The following RBFOX1 variants were observed in gnomAD, a reference collection of about 807,000 sequenced individuals.
RBFOX1 encodes RNA binding fox-1 homolog 1, also known as RNA binding protein fox-1 homolog 1.
In RBFOX1, 8 loss-of-function variants were observed where a neutral mutation model predicts 57.7. That is an observed-to-expected ratio of 0.14 (90% CI 0.08 to 0.25). RBFOX1 has a LOEUF of 0.25. RBFOX1 is among the 10% of genes least tolerant of loss of function. The pLI is 1.00. For missense variants in RBFOX1, 611 were observed against 548.5 expected, an observed-to-expected ratio of 1.11 and a Z score of -1.14; for synonymous variants, 326 against 222.4, an observed-to-expected ratio of 1.47 and a Z score of -4.15.
At chr16:6,648,967 C>T (rs1390983390) in intron 2 of RBFOX1, among the ~76,000 whole-genome samples, 1 of 152,096 alleles carries the variant, frequency 6.6e-6, no homozygotes, top group Non-Finnish European at 1.5e-5. Context: ...GTGGTTAGAA[C>T]ACATAACATC....
intron 3 of RBFOX1, among the ~76,000 whole-genome samples, chr16:5,611,809 C>G (rs1026680494): frequency 8.3e-6 from 1 of 120,428 alleles, no homozygotes; most frequent in Non-Finnish European, 1.7e-5. Flanking sequence ...CACCCACCCA[C>G]CCACCCACCC....
chr16:5,259,813 CA>C (rs1359774681), intron 1 of RBFOX1, among the ~76,000 whole-genome samples: 6 of 152,174 alleles, frequency 3.9e-5, no homozygotes, highest in Non-Finnish European at 8.8e-5. Context: ...GTGTCACCCT[CA>C]GTTGATTGAA....
intron 4 of RBFOX1, among the ~76,000 whole-genome samples, chr16:7,196,385 T>G (rs1170404558): frequency 1.3e-5 from 2 of 152,122 alleles, no homozygotes; most frequent in Non-Finnish European, 2.9e-5. Flanking sequence ...CCCAGCCCCA[T>G]TTGCCACTGA....
intron 1 of RBFOX1, among the ~76,000 whole-genome samples, chr16:5,255,086 G>A (rs1355994991): frequency 6.6e-6 from 1 of 152,138 alleles, no homozygotes; most frequent in Non-Finnish European, 1.5e-5. Flanking sequence ...AGTTATAGCT[G>A]TAATTTGCAT....
intron 3 of RBFOX1, among the ~76,000 whole-genome samples, chr16:5,614,400 A>G (rs2047941943): frequency 6.6e-6 from 1 of 152,134 alleles, no homozygotes; most frequent in Non-Finnish European, 1.5e-5. Context: ...GGGATTTCAT[A>G]AACATTATGT....
At chr16:5,729,396 C>CTTTTTTTTTTTTTTTTTT (rs71142649) in intron 3 of RBFOX1, among the ~76,000 whole-genome samples, 7 of 111,450 alleles carry the variant, frequency 6.3e-5, no homozygotes, top group South Asian at 3.1e-4. Flanking sequence ...TTTTTCTTTT[C>CTTTTTTTTTTTTTTTTTT]TTTTTTTTTT....
chr16:6,278,715 T>C (rs1437238672), intron 1 of RBFOX1, among the ~76,000 whole-genome samples: 2 of 152,184 alleles, frequency 1.3e-5, no homozygotes, highest in Non-Finnish European at 2.9e-5. Context: ...AAATAAATCA[T>C]AGATATTTGC....
chr16:6,239,825 T>C (rs1233182884), intron 1 of RBFOX1, among the ~76,000 whole-genome samples: 4 of 152,148 alleles, frequency 2.6e-5, no homozygotes, highest in Non-Finnish European at 5.9e-5. Context: ...CATTTTCTTT[T>C]TTTGAATTGA....
chr16:7,691,049 A>G (rs1046778385), intron 14 of RBFOX1, among the ~76,000 whole-genome samples: 1 of 152,170 alleles, frequency 6.6e-6, no homozygotes, highest in African/African-American at 2.4e-5. Flanking sequence ...AATGAACTCT[A>G]TAGAAAGGCA....
At chr16:6,613,003 ATGTGTGTGTG>A (rs57236292) in intron 2 of RBFOX1, among the ~76,000 whole-genome samples, 12,770 of 143,078 alleles carry the variant, frequency 0.089, 815 homozygotes, top group East Asian at 0.35. Context: ...CAGTCCCAGC[ATGTGTGTGTG>A]TGTGTGTGTG....
intron 4 of RBFOX1, among the ~76,000 whole-genome samples, chr16:7,082,130 A>C (rs1303853754): frequency 1.3e-5 from 2 of 152,098 alleles, no homozygotes; most frequent in Non-Finnish European, 2.9e-5. Context: ...TTGGTATCCT[A>C]ATTCCCTGTT....
chr16:6,263,924 A>G (rs1444257974), intron 1 of RBFOX1, among the ~76,000 whole-genome samples: 1 of 152,308 alleles, frequency 6.6e-6, no homozygotes, highest in African/African-American at 2.4e-5. Flanking sequence ...ATTAATAGGA[A>G]TTAAATCTGC....
At chr16:5,345,321 ACCCTTTTC>A (rs2088561174) in intron 1 of RBFOX1, among the ~76,000 whole-genome samples, 1 of 151,982 alleles carries the variant, frequency 6.6e-6, no homozygotes, top group African/African-American at 2.4e-5. Context: ...CCATGCCCTT[ACCCTTTTC>A]CCCTTTTCCC....
chr16:7,368,985 C>A (rs151119184), intron 4 of RBFOX1, among the ~76,000 whole-genome samples: 1 of 151,940 alleles, frequency 6.6e-6, no homozygotes, highest in East Asian at 1.9e-4. Flanking sequence ...GATCCTGCAG[C>A]TGAGCAAGAA....
intron 4 of RBFOX1, among the ~76,000 whole-genome samples, chr16:7,244,978 C>G (rs977010562): frequency 6.6e-6 from 1 of 152,194 alleles, no homozygotes; most frequent in Non-Finnish European, 1.5e-5. Flanking sequence ...GTGAGGAACT[C>G]ATGCCTGCCT....
rs190490934 is a variant in RBFOX1 at position 5,253,283 on chromosome 16, G to A, written c.219+13178G>A. On this transcript the variant is annotated intron_variant, in intron 1 of 2. Coordinates refer to the RBFOX1 transcript ENST00000585867. ...TCCTGTCTCAGCCTCCTGAGTAGCC[G>A]GGACTAGAGGCACCCACAACCACAC... is the stretch of plus-strand genomic sequence containing the variant. Among the ~76,000 whole-genome samples the A allele has an allele frequency of 2.7e-3, 413 of 152,062 alleles. 2 individuals are homozygous for A. Among genetic ancestry groups the A allele is most frequent in the African/African-American group, 9.0e-3 (375 of 41,466 alleles).
chr16:7,106,382 A>G (rs2063586205), intron 4 of RBFOX1, among the ~76,000 whole-genome samples: 1 of 152,178 alleles, frequency 6.6e-6, no homozygotes, highest in South Asian at 2.1e-4. Context: ...GTCAGATTGA[A>G]AAATATTTTA....
chr16:7,048,962 C>T (rs192150557), intron 3 of RBFOX1, among the ~76,000 whole-genome samples: 2 of 152,206 alleles, frequency 1.3e-5, no homozygotes, highest in African/African-American at 4.8e-5. Context: ...TTGGGTGTCT[C>T]CCATATATAT....
At chr16:7,281,856 C>G (rs2095550396) in intron 4 of RBFOX1, among the ~76,000 whole-genome samples, 1 of 151,652 alleles carries the variant, frequency 6.6e-6, no homozygotes, top group Non-Finnish European at 1.5e-5. Context: ...TTTTCTTTTC[C>G]TTTTATTTTT....
Sources: gnomAD v4.1 joint callset for allele counts (sites outside exome capture counted in the v4.1 genomes callset) on GRCh38, gnomAD v4.1.1 for gene constraint, MANE v1.5 for transcripts, NCBI Gene and HGNC (gene_info 2026-07-23, HGNC 2026-07-21) for gene names.